Variants in GRID2 observed in about 807,000 individuals in gnomAD.
GRID2 encodes the protein glutamate ionotropic receptor delta type subunit 2.
A neutral mutation model predicts 114.8 loss-of-function variants in GRID2; 33 were observed. The observed-to-expected ratio is 0.29, with a 90% CI of 0.22 to 0.38. GRID2 has a LOEUF of 0.38. GRID2 is among the 10% of genes least tolerant of loss of function. The probability of loss-of-function intolerance (pLI) is 1.00; values close to 1 mark genes in which losing one functional copy is unlikely to be tolerated. For synonymous variants in GRID2, 505 were observed against 449.9 expected (o/e 1.12, Z -1.55); for missense variants, 1,184 against 1,257.7 (o/e 0.94, Z 0.89).
chr4:92,588,784 A>G (rs1728577828), intron 1 of GRID2, among the ~76,000 whole-genome samples: 1 of 151,672 alleles, frequency 6.6e-6, no homozygotes, highest in Non-Finnish European at 1.5e-5. Context: ...GCTTGAGGAG[A>G]CTGATACAAT....
chr4:92,544,526 T>C (rs891888836), intron 1 of GRID2, among the ~76,000 whole-genome samples: 7 of 152,172 alleles, frequency 4.6e-5, no homozygotes, highest in Non-Finnish European at 7.4e-5. Flanking sequence ...TTTTATATTA[T>C]ACTCAATGCT....
chr4:92,781,769 C>T (rs189766765), intron 2 of GRID2, among the ~76,000 whole-genome samples: 23 of 151,930 alleles, frequency 1.5e-4, no homozygotes, highest in South Asian at 8.3e-4. Flanking sequence ...TATTTTTACG[C>T]GTTACAATTT....
At chr4:92,917,437 T>C (rs1469721037) in intron 2 of GRID2, among the ~76,000 whole-genome samples, 1 of 152,210 alleles carries the variant, frequency 6.6e-6, no homozygotes, top group Admixed American at 6.5e-5. Flanking sequence ...TCCTTGCCCA[T>C]GTCTGTGTCC....
intron 10 of GRID2, among the ~76,000 whole-genome samples, chr4:93,451,776 A>G (rs1354489137): frequency 1.3e-5 from 2 of 152,116 alleles, no homozygotes; most frequent in Non-Finnish European, 1.5e-5. Flanking sequence ...GGTAAAATCA[A>G]TAATGATAGA....
At chr4:92,645,667 A>G (rs1317125576) in intron 2 of GRID2, among the ~76,000 whole-genome samples, 1 of 151,292 alleles carries the variant, frequency 6.6e-6, no homozygotes, top group Non-Finnish European at 1.5e-5. Context: ...CCTGCTCACT[A>G]CCCCCATGAG....
chr4:92,926,902 C>G (rs1019198771), intron 2 of GRID2, among the ~76,000 whole-genome samples: 15 of 151,852 alleles, frequency 9.9e-5, no homozygotes, highest in African/African-American at 3.6e-4. Flanking sequence ...GTCCTCATAA[C>G]CTAATCACTT....
chr4:92,508,994 G>A (rs1049568189), intron 1 of GRID2, among the ~76,000 whole-genome samples: 1 of 151,794 alleles, frequency 6.6e-6, no homozygotes, highest in Non-Finnish European at 1.5e-5. Flanking sequence ...TTGAGCCCAG[G>A]AGTTTGAGGT....
Position 92,770,517 on chromosome 4 carries a change from A to G in GRID2, c.244+180231A>G, listed in dbSNP as rs191548142. On this transcript the variant is annotated intron_variant, in intron 2 of 15. Coordinates refer to ENST00000282020, the MANE Select transcript of GRID2 (RefSeq NM_001510.4). ...ATCTGTTTTCATGTTGCTGATAAAG[A>G]CATACCCGAGACTGGACAATTCATA... Among the ~76,000 whole-genome samples, 45 of 152,268 alleles carry G rather than the reference A, an allele frequency of 3.0e-4. 2 individuals are homozygous for G. The highest frequency in any genetic ancestry group is 1.8e-3 in the Admixed American group (27 of 15,296).
intron 4 of GRID2, among the ~76,000 whole-genome samples, chr4:93,134,070 C>T (rs1735032216): frequency 6.6e-6 from 1 of 152,044 alleles, no homozygotes; most frequent in African/African-American, 2.4e-5. Flanking sequence ...CAGTTAAACA[C>T]ATTCTAAGAC....
At chr4:92,559,030 A>G (rs938236726) in intron 1 of GRID2, among the ~76,000 whole-genome samples, 17 of 152,192 alleles carry the variant, frequency 1.1e-4, no homozygotes, top group African/African-American at 2.7e-4. Context: ...CATAATTTAT[A>G]TGCACCTTAC....
chr4:92,565,229 C>A (rs1195199968), intron 1 of GRID2, among the ~76,000 whole-genome samples: 1 of 151,960 alleles, frequency 6.6e-6, no homozygotes, highest in African/African-American at 2.4e-5. Flanking sequence ...TTATAGTGAT[C>A]AATCAATGAG....
intron 1 of GRID2, among the ~76,000 whole-genome samples, chr4:92,318,376 G>A (rs1023922745): frequency 6.9e-6 from 1 of 145,510 alleles, no homozygotes; most frequent in African/African-American, 2.5e-5. Context: ...AAATCGACTG[G>A]TTCAGTTCAC....
intron 13 of GRID2, among the ~76,000 whole-genome samples, chr4:93,598,412 T>C (rs1739329290): frequency 6.6e-6 from 1 of 152,158 alleles, no homozygotes; most frequent in Non-Finnish European, 1.5e-5. Flanking sequence ...CACTCTCTTT[T>C]AAAGTTTTTT....
intron 1 of GRID2, among the ~76,000 whole-genome samples, chr4:92,437,749 T>C (rs1415647264): frequency 3.3e-5 from 5 of 152,238 alleles, no homozygotes; most frequent in African/African-American, 1.2e-4. Flanking sequence ...CTTCTTTCTA[T>C]ATTACATCTA....
At chr4:92,367,314 A>G (rs781338594) in intron 1 of GRID2, among the ~76,000 whole-genome samples, 2 of 152,084 alleles carry the variant, frequency 1.3e-5, no homozygotes, top group Non-Finnish European at 2.9e-5. Flanking sequence ...TGATAAAATA[A>G]TGTGCATGTA....
chr4:93,089,619 T>C lies in GRID2; in HGVS notation c.529+4340T>C, dbSNP rs187601968. Among the ~76,000 whole-genome samples, 307 of 152,214 alleles carry C rather than the reference T, an allele frequency of 2.0e-3. 2 individuals carry two copies. The highest frequency in any genetic ancestry group is 7.3e-3 in the African/African-American group (302 of 41,558). ...ATAACTGTTCTTTTTTCTTTGCAAA[T>C]AGAATACCAAATTTGAGAGTGCAAT... On this transcript the variant is annotated intron_variant, in intron 3 of 15. Coordinates refer to ENST00000282020, the MANE Select transcript of GRID2 (RefSeq NM_001510.4).
chr4:93,556,016 CCTGA>C (rs1264963315), intron 13 of GRID2, among the ~76,000 whole-genome samples: 2 of 152,122 alleles, frequency 1.3e-5, no homozygotes. Flanking sequence ...AGCAGAAGGG[CCTGA>C]CTGTTAGAAG....
chr4:93,210,809 A>G (rs1225750767), intron 5 of GRID2, among the ~76,000 whole-genome samples: 1 of 152,006 alleles, frequency 6.6e-6, no homozygotes, highest in Non-Finnish European at 1.5e-5. Context: ...GATGGGAGCT[A>G]TTTATGTCAC....
intron 2 of GRID2, among the ~76,000 whole-genome samples, chr4:92,966,733 G>A (rs1180604947): frequency 6.6e-6 from 1 of 151,858 alleles, no homozygotes; most frequent in Non-Finnish European, 1.5e-5. Flanking sequence ...CCCCAGACAT[G>A]TGGAACTGAG....
Sources: allele counts gnomAD v4.1 joint callset (sites outside exome capture counted in the v4.1 genomes callset), GRCh38; gene constraint gnomAD v4.1.1; transcripts MANE v1.5; gene names NCBI Gene and HGNC (gene_info 2026-07-23, HGNC 2026-07-21).